SP140L: variants seen among roughly 807,000 people sequenced by gnomAD.
SP140L encodes SP140 like nuclear body protein, also known as nuclear body protein SP140-like protein.
Under a neutral mutation model 84.3 loss-of-function variants are expected in SP140L, and 64 were observed. That is an observed-to-expected ratio of 0.76 (90% CI 0.62 to 0.94). The LOEUF is 0.94. Among genes scored for constraint, SP140L ranks in the 40% least tolerant of loss-of-function variants. SP140L has a pLI of 0.00. For missense variants in SP140L, 628 were observed against 692.5 expected (o/e 0.91, Z 1.05); for synonymous variants, 242 against 236.9 (o/e 1.02, Z -0.20).
At chr2:230,371,450 G>C (rs2061067401) in intron 6 of SP140L, 148 bp from the exon 7 acceptor site, 1 of 740,316 alleles carries the variant, frequency 1.4e-6, no homozygotes. Flanking sequence ...TCTCAGTTCA[G>C]TGGGTTTTTG....
intron 2 of SP140L, among the ~76,000 whole-genome samples, chr2:230,333,806 T>C (rs1051336004): frequency 6.6e-6 from 1 of 152,108 alleles, no homozygotes; most frequent in Non-Finnish European, 1.5e-5. Flanking sequence ...GAATCTACCT[T>C]CTATGACATT....
chr2:230,336,221 G>A (rs570575605), intron 2 of SP140L, among the ~76,000 whole-genome samples: 6 of 152,340 alleles, frequency 3.9e-5, no homozygotes, highest in Admixed American at 2.0e-4. Flanking sequence ...GCATAATGCA[G>A]TCAAGGGTCC....
At position 230,400,228 on chromosome 2, in the gene SP140L, T is replaced by C. The variant is rs775385728; in HGVS notation, c.1299T>C (p.Pro433=). 4 of 1,614,142 alleles carry C rather than the reference T, an allele frequency of 2.5e-6. No individual in the cohort carries two copies. The East Asian group carries it at 6.7e-5, about 27-fold the overall frequency. The change falls in exon 15 of 19, where the codon CCT becomes CCC. Residue 433 remains proline (P), a synonymous_variant. Transcript: ENST00000415673. Reference sequence around the variant, plus strand: ...TCCATGAGGACTGCCACATCCCACCTGTGGAAAGTGAGAAGTAAGTGACAT... The same window carrying C: ...TCCATGAGGACTGCCACATCCCACCCGTGGAAAGTGAGAAGTAAGTGACAT... The part of the protein sequence containing the change: ...RVFHEDCHIP[P]VESEKTPWNC...
At chr2:230,359,967 G>GGTGCTATACCAAACTAAAGTTTGGTATTA in intron 4 of SP140L, among the ~76,000 whole-genome samples, 1 of 138,998 alleles carries the variant, frequency 7.2e-6, no homozygotes, top group Non-Finnish European at 1.5e-5. Flanking sequence ...GTTTGGTATT[G>GGTGCTATACCAAACTAAAGTTTGGTATTA]GTGCTATACC....
chr2:230,338,088 T>C (rs371770332), intron 2 of SP140L, among the ~76,000 whole-genome samples: 1 of 138,114 alleles, frequency 7.2e-6, no homozygotes, highest in East Asian at 2.1e-4. Context: ...CCTTGGGCAG[T>C]ATGGCCATTT....
At chr2:230,395,454 C>G (rs1220419640) in intron 13 of SP140L, among the ~76,000 whole-genome samples, 2 of 152,064 alleles carry the variant, frequency 1.3e-5, no homozygotes, top group Non-Finnish European at 2.9e-5. Flanking sequence ...GTGGTGCATA[C>G]CTGTAGTCCC....
intron 2 of SP140L, among the ~76,000 whole-genome samples, chr2:230,345,147 G>C (rs980381089): frequency 2.6e-5 from 4 of 152,086 alleles, no homozygotes; most frequent in South Asian, 4.1e-4. Context: ...CTTTCAGATT[G>C]GTTAGTATTT....
At chr2:230,386,646 T>C (rs1057450793) in intron 9 of SP140L, among the ~76,000 whole-genome samples, 2 of 152,218 alleles carry the variant, frequency 1.3e-5, no homozygotes, top group Admixed American at 1.3e-4. Flanking sequence ...ATTATGAATT[T>C]GCTGGATTTA....
intron 2 of SP140L, among the ~76,000 whole-genome samples, chr2:230,337,656 T>G (rs980498035): frequency 4.6e-5 from 7 of 152,228 alleles, no homozygotes; most frequent in African/African-American, 1.7e-4. Context: ...TAATCCACCT[T>G]GAATTAATTT....
At chr2:230,372,439 G>A (rs2702269) in intron 7 of SP140L, 1 of 152,250 alleles carries the variant, frequency 6.6e-6, no homozygotes, top group African/African-American at 2.4e-5. Flanking sequence ...GTTAAAGAAA[G>A]AGTCGGCCGG....
intron 14 of SP140L, among the ~76,000 whole-genome samples, chr2:230,397,861 G>C (rs1236442273): frequency 6.6e-6 from 1 of 152,158 alleles, no homozygotes; most frequent in African/African-American, 2.4e-5. Context: ...TTGCGTGGCT[G>C]ATTTTGTATG....
intron 13 of SP140L, among the ~76,000 whole-genome samples, chr2:230,394,398 ATAGC>A (rs1270609327): frequency 6.6e-6 from 1 of 152,240 alleles, no homozygotes; most frequent in Non-Finnish European, 1.5e-5. Flanking sequence ...CAGCTCACAC[ATAGC>A]TAGCCACTAA....
intron 2 of SP140L, among the ~76,000 whole-genome samples, chr2:230,334,717 A>G (rs113198664): frequency 1.8e-4 from 24 of 136,404 alleles, no homozygotes; most frequent in African/African-American, 4.5e-4. Flanking sequence ...AATTATATGT[A>G]TATATATATA....
chr2:230,343,155 G>A (rs1575445126), intron 2 of SP140L, among the ~76,000 whole-genome samples: 1 of 118,122 alleles, frequency 8.5e-6, no homozygotes, highest in African/African-American at 3.1e-5. Flanking sequence ...AGGTAAACAT[G>A]TGCCATGGTG....
intron 9 of SP140L, among the ~76,000 whole-genome samples, chr2:230,386,802 A>G (rs577419179): frequency 6.6e-4 from 100 of 152,354 alleles, no homozygotes; most frequent in African/African-American, 2.3e-3. Context: ...AGATGTAACC[A>G]GACAGAAACA....
In SP140L at chr2:230,328,761, C is replaced by T; in HGVS notation, c.37C>T (p.Leu13=). The change falls in exon 2 of 19, where the codon CTG becomes TTG. Residue 13 remains leucine (L), a synonymous_variant. Coordinates refer to ENST00000415673, the MANE Select transcript of SP140L (RefSeq NM_138402.6). ...CCTGCCAAATTGTCTTTTTAGGGGG[C>T]TGAACGGAGGTGTTTCACAAGTAGC... is the stretch of plus-strand genomic sequence containing the variant. ...GGGSDLSTRG[L]NGGVSQVANE... The T allele has an allele frequency of 6.2e-7, 1 of 1,611,792 alleles. No homozygotes were observed. The highest frequency in any genetic ancestry group is 1.1e-5 in the South Asian group (1 of 90,718).
In SP140L at chr2:230,402,826, G is replaced by A. The variant is rs1394075170; in HGVS notation, c.1673G>A (p.Arg558Lys). 5.0e-6 allele frequency: 8 copies of A among 1,612,614 alleles called. No homozygotes were observed. The highest frequency in any genetic ancestry group is 6.8e-6 in the Non-Finnish European group (8 of 1,179,638). Residue 558 changes from arginine (R) to lysine (K), a missense_variant, in exon 19 of 19, where the codon AGA (arginine) becomes AAA (lysine). Arg to Lys is a conservative substitution (Grantham distance 26). Around this residue, in one of 4 missense-constraint regions of SP140L, gnomAD observed 44 missense variants for 36.1 expected, o/e 1.22. Transcript: ENST00000415673. ...KYKDFGQMGLRLEAEFEKDFK... is the reference protein window; with the variant it reads ...KYKDFGQMGLKLEAEFEKDFK... ...AAGGATTTTGGCCAAATGGGACTTAGACTGGAGGCTGAATTTGAGAAGGAT... is the reference window on the plus strand; with the variant it reads ...AAGGATTTTGGCCAAATGGGACTTAAACTGGAGGCTGAATTTGAGAAGGAT...
In SP140L at chr2:230,392,083, A is replaced by T. The variant is rs764448399; in HGVS notation, c.965-4A>T. ...CTCAGGATCAAGTTACCCTGGTCTT[A>T]CAGGAACCTTGGCAAAGTGTATACA... On this transcript the variant is annotated splice_region_variant and splice_polypyrimidine_tract_variant and intron_variant, in intron 11 of 18. Coordinates refer to ENST00000415673, the MANE Select transcript of SP140L (RefSeq NM_138402.6). 2 of 1,613,844 alleles carry T rather than the reference A, an allele frequency of 1.2e-6. No homozygotes were observed. The highest frequency in any genetic ancestry group is 1.7e-6 in the Non-Finnish European group (2 of 1,179,786).
intron 6 of SP140L, 67 bp downstream of exon 6, chr2:230,371,034 A>G: frequency 7.1e-7 from 1 of 1,415,166 alleles, no homozygotes; most frequent in Non-Finnish European, 1.0e-6. Context: ...GGAAGAGTGG[A>G]GGCAGGTGCT....
Sources: gnomAD v4.1 joint callset for allele counts (sites outside exome capture counted in the v4.1 genomes callset) on GRCh38, gnomAD v4.1.1 for gene constraint, gnomAD v4.1.1 regional missense constraint, MANE v1.5 for transcripts, NCBI Gene and HGNC (gene_info 2026-07-23, HGNC 2026-07-21) for gene names.